Variants in RALGDS observed in about 807,000 individuals in gnomAD.
RALGDS encodes ral guanine nucleotide exchange factor.
Under a neutral mutation model 99.8 loss-of-function variants are expected in RALGDS, and 44 were observed. The ratio of observed to expected loss-of-function variants is 0.44; its 90% CI spans 0.35 to 0.57. The LOEUF is 0.57. RALGDS is among the 20% of genes least tolerant of loss of function. RALGDS has a pLI of 0.01. For missense variants in RALGDS, 1,022 were observed against 1,203.1 expected (o/e 0.85, Z 2.23); for synonymous variants, 529 against 505.0 (o/e 1.05, Z -0.64).
chr9:133,101,185 A>C, intron 16 of RALGDS: 1 of 1,210,704 alleles, frequency 8.3e-7, no homozygotes, highest in East Asian at 5.0e-5. Flanking sequence ...GAAGCCAGCC[A>C]TCATTGCTCC....
chr9:133,134,881 C>T (rs756009009), upstream of RALGDS, among the ~76,000 whole-genome samples: 1 of 152,154 alleles, frequency 6.6e-6, no homozygotes, highest in Non-Finnish European at 1.5e-5. Flanking sequence ...TCAGAGATGG[C>T]ACAAAGCTCA....
chr9:133,111,609 G>A (rs1366201100), intron 2 of RALGDS, among the ~76,000 whole-genome samples: 1 of 152,210 alleles, frequency 6.6e-6, no homozygotes, highest in African/African-American at 2.4e-5. Flanking sequence ...TGTCCTCAGA[G>A]GACTCACAGT....
At chr9:133,140,218 T>C (rs910249339) in intron 1 of RALGDS, among the ~76,000 whole-genome samples, 19 of 151,074 alleles carry the variant, frequency 1.3e-4, no homozygotes, top group Admixed American at 8.5e-4. Flanking sequence ...ACCCTCCCCA[T>C]GGTCCCACCC....
rs374357680 is a variant in RALGDS at position 133,145,621 on chromosome 9, G to A, written c.18+3342C>T. ...GGTACTCACAGCCACCCTGGGAGCTGGGACAGCCAACCAGTGTGTTCTCAT... is the reference window on the plus strand; with the variant it reads ...GGTACTCACAGCCACCCTGGGAGCTAGGACAGCCAACCAGTGTGTTCTCAT... On this transcript the variant is annotated intron_variant, in intron 1 of 17. Coordinates refer to the RALGDS transcript ENST00000393160. Among the ~76,000 whole-genome samples, 97 of 152,302 alleles carry A rather than the reference G, an allele frequency of 6.4e-4. 2 individuals are homozygous for A. The South Asian group carries it at 0.014, about 22-fold the overall frequency.
chr9:133,100,656 C>T, intron 16 of RALGDS: 1 of 1,336,298 alleles, frequency 7.5e-7, no homozygotes, highest in Non-Finnish European at 9.6e-7. Context: ...AGACTGTTCC[C>T]TCCTCCCACA....
At chr9:133,102,941 C>G in intron 12 of RALGDS, 41 bp from the exon 13 acceptor site, 1 of 1,609,710 alleles carries the variant, frequency 6.2e-7, no homozygotes, top group Non-Finnish European at 8.5e-7. Flanking sequence ...CAAGGCCCCC[C>G]GGGCAGCACA....
intron 1 of RALGDS, among the ~76,000 whole-genome samples, chr9:133,126,964 A>G (rs79697115): frequency 0.16 from 24,821 of 152,080 alleles, 2,347 homozygotes; most frequent in African/African-American, 0.26. Context: ...TTGATCCCGC[A>G]AAGCCCCCCA....
chr9:133,108,727 G>A lies in RALGDS; in HGVS notation c.724C>T (p.His242Tyr), dbSNP rs1831195473. The change falls in exon 5 of 18, where the codon CAC (histidine) becomes TAC (tyrosine). Residue 242 changes from histidine to tyrosine, a missense_variant. By Grantham distance (83) the His-to-Tyr change is moderately conservative. Coordinates refer to ENST00000372050, the MANE Select transcript of RALGDS (RefSeq NM_006266.4). ...TGCTCCAGCTGGGCCAGGAGAAGGT[G>A]GGCACGGCGCTCCAGGTCTGAGCCT... ...MPGSDLERRA[H>Y]LLLAQLEHSE... The A allele has an allele frequency of 1.2e-6, 2 of 1,613,756 alleles. No homozygotes were observed. The highest frequency in any genetic ancestry group is 1.7e-6 in the Non-Finnish European group (2 of 1,180,026).
chr9:133,101,768 G>A lies in RALGDS; in HGVS notation c.2212-6C>T. On this transcript the variant is annotated splice_polypyrimidine_tract_variant and splice_region_variant and intron_variant, in intron 15 of 17. Coordinates refer to ENST00000372050, the MANE Select transcript of RALGDS (RefSeq NM_006266.4). ...TGTGAGGCTGATTCCCAGAACTGAG[G>A]GAGACGGTAAGATCAGCAGATCCCA... is the stretch of plus-strand genomic sequence containing the variant. The A allele has an allele frequency of 1.2e-6, 2 of 1,600,052 alleles. No individual in the cohort carries two copies. The highest frequency in any genetic ancestry group is 1.1e-5 in the South Asian group (1 of 89,578).
chr9:133,132,595 G>C (rs551095687), upstream of RALGDS, among the ~76,000 whole-genome samples: 263 of 152,190 alleles, frequency 1.7e-3, no homozygotes, highest in Non-Finnish European at 2.9e-3. Flanking sequence ...TTGGTTGGGT[G>C]GGGGGCTTAA....
intron 16 of RALGDS, 27 bp from the exon 17 acceptor site, chr9:133,100,409 CAG>C: frequency 6.2e-7 from 1 of 1,613,260 alleles, no homozygotes; most frequent in South Asian, 1.1e-5. Flanking sequence ...GATGGACCAT[CAG>C]GGAAAAGACC....
At chr9:133,103,549 G>C in intron 11 of RALGDS, 198 bp downstream of exon 11, 2 of 708,224 alleles carry the variant, frequency 2.8e-6, no homozygotes, top group Non-Finnish European at 5.0e-6. Context: ...CTGTGCTCAG[G>C]GTCACTGCCT....
chr9:133,103,595 C>T (rs943787200), intron 11 of RALGDS, 152 bp downstream of exon 11: 2 of 859,256 alleles, frequency 2.3e-6, no homozygotes, highest in African/African-American at 3.3e-5. Context: ...CCAAACCCTG[C>T]TGCAGCTCTG....
intron 1 of RALGDS, among the ~76,000 whole-genome samples, chr9:133,115,447 C>T (rs143817052): frequency 1.6e-4 from 25 of 152,330 alleles, no homozygotes; most frequent in African/African-American, 5.8e-4. Context: ...ACCTCCCAAG[C>T]CCCTCTGAGC....
At chr9:133,143,762 T>TAACAAC (rs1479284162) in intron 1 of RALGDS, among the ~76,000 whole-genome samples, 1 of 106,250 alleles carries the variant, frequency 9.4e-6, no homozygotes, top group Admixed American at 1.0e-4. Context: ...ATAATAATAA[T>TAACAAC]AATAATAATA....
At chr9:133,109,185 C>T (rs1315640620) in intron 4 of RALGDS, among the ~76,000 whole-genome samples, 1 of 152,218 alleles carries the variant, frequency 6.6e-6, no homozygotes, top group African/African-American at 2.4e-5. Context: ...TGCTGGTGAG[C>T]TGCCTTACTC....
rs373186793 is a variant in RALGDS, at chr9:133,102,797, C to T, written c.1895G>A (p.Arg632Gln). Residue 632 changes from arginine to glutamine, a missense_variant, in exon 13 of 18, where the codon CGG becomes CAG. Physicochemically the swap from Arg to Gln is conservative, Grantham distance 43 (BLOSUM62 1). Transcript: ENST00000372050. ...GCCTCACCTCTCAGTCTCGCTGAGC[C>T]GCTCCACGGCCCGGAACCAGGCCCC... ...QFGAWFRAVE[R>Q]LSETESYNLS... is the part of the protein sequence containing the mutation. 31 of 1,612,828 alleles carry T rather than the reference C, an allele frequency of 1.9e-5. No individual in the cohort carries two copies. Among genetic ancestry groups the T allele is most frequent in the African/African-American group, 6.7e-5 (5 of 74,938 alleles).
intron 1 of RALGDS, among the ~76,000 whole-genome samples, chr9:133,138,032 C>G (rs942803793): frequency 2.0e-5 from 3 of 152,198 alleles, no homozygotes; most frequent in African/African-American, 7.2e-5. Context: ...GCCAGGGACA[C>G]TGTGTGCCCG....
chr9:133,126,709 C>T (rs7022841), intron 1 of RALGDS, among the ~76,000 whole-genome samples: 36,072 of 152,170 alleles, frequency 0.24, 4,825 homozygotes, highest in Middle Eastern at 0.39. Flanking sequence ...GAGGAAGAGA[C>T]GGAGGGGGAC....
Sources: allele counts gnomAD v4.1 joint callset (sites outside exome capture counted in the v4.1 genomes callset), GRCh38; gene constraint gnomAD v4.1.1; transcripts MANE v1.5; gene names NCBI Gene and HGNC (gene_info 2026-07-23, HGNC 2026-07-21).